The following LHX4 variants were observed in gnomAD, a reference collection of about 807,000 sequenced individuals.
LHX4 encodes the protein LIM homeobox 4, also known as LIM/homeobox protein Lhx4.
Under a neutral mutation model 39.2 loss-of-function variants are expected in LHX4, and 16 were observed. The ratio of observed to expected loss-of-function variants is 0.41; its 90% CI spans 0.28 to 0.62. The LOEUF is 0.62. Among genes scored for constraint, LHX4 ranks in the 20% least tolerant of loss-of-function variants. The pLI is 0.33. For synonymous variants in LHX4, 206 were observed against 198.1 expected (o/e 1.04, Z -0.33); for missense variants, 439 against 511.9 (o/e 0.86, Z 1.37).
chr1:180,230,030 G>A (rs1403241771), upstream of LHX4, among the ~76,000 whole-genome samples: 5 of 128,310 alleles, frequency 3.9e-5, no homozygotes, highest in Non-Finnish European at 7.9e-5. The surrounding 1 kb of genome is among the most constrained non-coding windows in gnomAD (Gnocchi z 5.8). Flanking sequence ...CCTCCGCCCC[G>A]CCGGCCTCAC....
intron 2 of LHX4, among the ~76,000 whole-genome samples, chr1:180,250,396 G>A (rs2149257341): frequency 6.6e-6 from 1 of 152,280 alleles, no homozygotes; most frequent in East Asian, 1.9e-4. Flanking sequence ...TGAACATAAT[G>A]TGTGTGTGAA....
At chr1:180,230,245 A>AG, upstream of LHX4, 2 of 413,302 alleles carry the variant, frequency 4.8e-6, no homozygotes, top group South Asian at 2.6e-5. This position sits in a 1 kb window ranked among gnomAD's most constrained non-coding sequence, Gnocchi z 5.8. Flanking sequence ...CGGGCGGGGG[A>AG]GGGAAGAGGA....
In LHX4 at chr1:180,278,841, A is replaced by G. The variant is rs1240212356; in HGVS notation, c.*4262A>G. ...CTGGGGAAAAAAAAGAAAAAAAGAA[A>G]AAAAAAAGACCCACCCATCCTTATT... On this transcript the variant is annotated 3_prime_UTR_variant, in exon 6 of 6. Transcript: ENST00000263726. The G allele has an allele frequency of 6.6e-6, 1 of 152,062 alleles. No homozygotes were observed. Among genetic ancestry groups the G allele is most frequent in the Admixed American group, 6.6e-5 (1 of 15,262 alleles). 9.4% of individuals were successfully genotyped at this position (152,062 alleles called of 1,614,324 possible).
intron 2 of LHX4, among the ~76,000 whole-genome samples, chr1:180,265,065 T>G (rs1648257317): frequency 6.6e-6 from 1 of 152,224 alleles, no homozygotes; most frequent in Non-Finnish European, 1.5e-5. Context: ...ATAACAGACC[T>G]ATCATTCTGC....
At chr1:180,258,903 A>C (rs1329381655) in intron 2 of LHX4, among the ~76,000 whole-genome samples, 2 of 152,100 alleles carry the variant, frequency 1.3e-5, no homozygotes. Flanking sequence ...ACGGATGCCC[A>C]AAGGTTTTGG....
Position 180,234,185 on chromosome 1 carries a change from AT to A in LHX4, c.76+3581del, listed in dbSNP as rs1236726129. Among the ~76,000 whole-genome samples the A allele has an allele frequency of 3.1e-4, 13 of 41,714 alleles. No homozygotes were observed. The highest frequency in any genetic ancestry group is 9.1e-4 in the African/African-American group (9 of 9,932). 27.4% of individuals were successfully genotyped at this position (41,714 alleles called of 152,430 possible). The stretch of plus-strand genomic sequence containing the variant: ...ACACACAAATTATATATATATATAT[AT>A]ATATATATATATATATATATATATA... On this transcript the variant is annotated intron_variant, in intron 1 of 5. Transcript: ENST00000263726. The surrounding 1 kb of genome is among the most constrained non-coding windows in gnomAD (Gnocchi z 4.8).
At position 180,274,574 on chromosome 1, in the gene LHX4, T is replaced by C; in HGVS notation, c.1168T>C (p.Phe390Leu). 1 of 1,571,696 alleles carries C rather than the reference T, an allele frequency of 6.4e-7. No individual in the cohort carries two copies. Among genetic ancestry groups the C allele is most frequent in the African/African-American group, 1.3e-5 (1 of 74,444 alleles). The part of the protein sequence containing the change: ...SWLDEMDHPP[F>L] The stretch of plus-strand genomic sequence containing the variant: ...GCTCGATGAAATGGATCATCCTCCT[T>C]TTTAAACTTCTCTCCTCCCCACCCT... The change falls in exon 6 of 6, where the codon TTT becomes CTT. Residue 390 changes from phenylalanine (F) to leucine (L), a missense_variant. Physicochemically the swap from Phe to Leu is conservative, Grantham distance 22 (BLOSUM62 0). Transcript: ENST00000263726.
chr1:180,277,818 G>A lies in LHX4; in HGVS notation c.*3239G>A, dbSNP rs1649124474. On this transcript the variant is annotated 3_prime_UTR_variant, in exon 6 of 6. Coordinates refer to ENST00000263726, the MANE Select transcript of LHX4 (RefSeq NM_033343.4). ...GCAAATGAATACTGTGAAACATCAGGGAAAGAGGAAAAAATTAAGCCACAA... is the reference window on the plus strand; with the variant it reads ...GCAAATGAATACTGTGAAACATCAGAGAAAGAGGAAAAAATTAAGCCACAA... The A allele has an allele frequency of 6.6e-6, 1 of 150,986 alleles. No homozygotes were observed. Among genetic ancestry groups the A allele is most frequent in the Non-Finnish European group, 1.5e-5 (1 of 67,732 alleles). The allele number at this position is 150,986 out of a possible 1,614,324, so 9.4% of individuals were successfully genotyped here.
chr1:180,255,664 T>C (rs1002046121), intron 2 of LHX4, among the ~76,000 whole-genome samples: 6 of 152,240 alleles, frequency 3.9e-5, no homozygotes, highest in Admixed American at 2.0e-4. Flanking sequence ...AGCAATTACT[T>C]AGCCCCGAAG....
At chr1:180,228,999 CGCGCCTGCAGCCCGGAGGCGTCGA>C (rs1266497665), upstream of LHX4, among the ~76,000 whole-genome samples, 4 of 152,328 alleles carry the variant, frequency 2.6e-5, no homozygotes, top group African/African-American at 4.8e-5. Context: ...GTGGGCTTCC[CGCGCCTGCAGCCCGGAGGCGTCGA>C]GCGCCTGATG....
chr1:180,246,435 G>A (rs933186663), intron 1 of LHX4, among the ~76,000 whole-genome samples: 2 of 152,238 alleles, frequency 1.3e-5, no homozygotes, highest in African/African-American at 4.8e-5. Flanking sequence ...TATGAGGCCA[G>A]GCGTGGTGGC....
chr1:180,254,090 G>T (rs1267720010), intron 2 of LHX4, among the ~76,000 whole-genome samples: 2 of 152,236 alleles, frequency 1.3e-5, no homozygotes, highest in East Asian at 3.8e-4. Flanking sequence ...GACAATCCAG[G>T]CTTGTGGGGG....
intron 2 of LHX4, among the ~76,000 whole-genome samples, chr1:180,250,469 G>A (rs1448483234): frequency 6.6e-6 from 1 of 152,220 alleles, no homozygotes; most frequent in African/African-American, 2.4e-5. Flanking sequence ...CCCTGCTTCT[G>A]TGATGAGGTG....
chr1:180,265,546 G>C (rs1353014564), intron 2 of LHX4, among the ~76,000 whole-genome samples: 7 of 152,296 alleles, frequency 4.6e-5, no homozygotes, highest in South Asian at 2.1e-4. Flanking sequence ...CTTGGCAGGG[G>C]GTGGCTTGCT....
intron 1 of LHX4, among the ~76,000 whole-genome samples, chr1:180,231,554 TCGCGCGCG>T (rs3041737): frequency 0.035 from 4,712 of 132,764 alleles, 275 homozygotes; most frequent in African/African-American, 0.11. Context: ...TGCCCAGTCG[TCGCGCGCG>T]CGCGCGCGCG....
intron 1 of LHX4, among the ~76,000 whole-genome samples, chr1:180,233,951 C>T (rs927692450): frequency 2.0e-5 from 3 of 151,468 alleles, no homozygotes; most frequent in African/African-American, 2.4e-5. Flanking sequence ...TCCTGGGGCT[C>T]CTCCGGGGTG....
rs1664259532 is a variant in LHX4 at position 180,234,220 on chromosome 1, TAA to T, written c.76+3616_76+3617del. Reference sequence around the variant, plus strand: ...ATATATATATATATATATATATATATAATAGATTGAGATTCTATCATATTCCG... The same window carrying T: ...ATATATATATATATATATATATATATTAGATTGAGATTCTATCATATTCCG... On this transcript the variant is annotated intron_variant, in intron 1 of 5. Coordinates refer to ENST00000263726, the MANE Select transcript of LHX4 (RefSeq NM_033343.4). This position sits in a 1 kb window ranked among gnomAD's most constrained non-coding sequence, Gnocchi z 4.8. Among the ~76,000 whole-genome samples, 2 of 70,230 alleles carry T rather than the reference TAA, an allele frequency of 2.8e-5. No individual in the cohort carries two copies. The highest frequency in any genetic ancestry group is 7.6e-5 in the African/African-American group (1 of 13,230). 46.1% of individuals were successfully genotyped at this position (70,230 alleles called of 152,430 possible).
chr1:180,266,384 CCT>C lies in LHX4; in HGVS notation c.249-7_249-6del, dbSNP rs780026604. The C allele has an allele frequency of 6.2e-7, 1 of 1,613,988 alleles. No homozygotes were observed. The highest frequency in any genetic ancestry group is 8.5e-7 in the Non-Finnish European group (1 of 1,179,956). ...GTGTGCCCTAATCCTTTCCTGCTGC[CCT>C]GACAGGCGCTTCGGCACAAAATGCA... On this transcript the variant is annotated splice_region_variant and splice_polypyrimidine_tract_variant and intron_variant, in intron 2 of 5. Coordinates refer to ENST00000263726, the MANE Select transcript of LHX4 (RefSeq NM_033343.4). This position sits in a 1 kb window ranked among gnomAD's most constrained non-coding sequence, Gnocchi z 5.7.
chr1:180,276,746 T>G lies in LHX4; in HGVS notation c.*2167T>G, dbSNP rs954298194. 1.3e-5 allele frequency: 2 copies of G among 151,910 alleles called. No homozygotes were observed. Among genetic ancestry groups the G allele is most frequent in the African/African-American group, 2.4e-5 (1 of 41,382 alleles). 9.4% of individuals were successfully genotyped at this position (151,910 alleles called of 1,614,324 possible). On this transcript the variant is annotated 3_prime_UTR_variant, in exon 6 of 6. Coordinates refer to ENST00000263726, the MANE Select transcript of LHX4 (RefSeq NM_033343.4). ...TGCCCACCCAGATCACTGTTGCAGG[T>G]TGACTATTTGGCTTAGCAACTCATG...
Sources: gnomAD v4.1 joint callset for allele counts (sites outside exome capture counted in the v4.1 genomes callset) on GRCh38, gnomAD v4.1.1 for gene constraint, Gnocchi (gnomAD v3.1) non-coding constraint, MANE v1.5 for transcripts, NCBI Gene and HGNC (gene_info 2026-07-23, HGNC 2026-07-21) for gene names.